PCDHGB5: variants seen among roughly 807,000 people sequenced by gnomAD.
PCDHGB5 encodes the protein protocadherin gamma-B5.
In PCDHGB5, 48 loss-of-function variants were observed where a neutral mutation model predicts 62.9. The ratio of observed to expected loss-of-function variants is 0.76; its 90% CI spans 0.61 to 0.97. The LOEUF is 0.97. PCDHGB5 is among the 50% of genes least tolerant of loss of function. PCDHGB5 has a pLI of 0.00. For synonymous variants in PCDHGB5, 474 were observed against 511.2 expected (o/e 0.93, Z 0.98); for missense variants, 1,118 against 1,198.6 (o/e 0.93, Z 0.99).
chr5:141,402,965 A>G, intron 1 of PCDHGB5: 2 of 1,606,016 alleles, frequency 1.2e-6, no homozygotes, highest in Non-Finnish European at 1.7e-6. Flanking sequence ...GGCAGCTCCA[A>G]CCAAATGCCA....
At chr5:141,415,739 GGTTTTTTTT>G in intron 1 of PCDHGB5, 5 of 434,942 alleles carry the variant, frequency 1.1e-5, no homozygotes, top group African/African-American at 9.8e-5. Context: ...TGTTTATTAA[GGTTTTTTTT>G]TTTTTTTTTT....
chr5:141,414,180 A>G, intron 1 of PCDHGB5: 2 of 1,608,986 alleles, frequency 1.2e-6, no homozygotes, highest in Middle Eastern at 1.7e-4. Context: ...TTGCAACTGC[A>G]AAAGTGTTGA....
chr5:141,415,885 C>A (rs778154458), intron 1 of PCDHGB5: 7 of 978,904 alleles, frequency 7.2e-6, no homozygotes, highest in Non-Finnish European at 9.6e-6. Context: ...ACAATATTGA[C>A]AATTCCTAAG....
intron 1 of PCDHGB5, chr5:141,419,135 G>A (rs2096331504): frequency 3.1e-6 from 5 of 1,613,910 alleles, no homozygotes; most frequent in Non-Finnish European, 4.2e-6. Flanking sequence ...CGCAGCCACA[G>A]ACAGGGGCAA....
Position 141,511,350 on chromosome 5 carries a change from C to T in PCDHGB5, c.*177C>T, listed in dbSNP as rs1303365585. Reference sequence around the variant, plus strand: ...CCCAGTCAGCACCTACCCCTTCCCCCCCAGGGGGTTGAATATGCAAAAGCA... The same window carrying T: ...CCCAGTCAGCACCTACCCCTTCCCCTCCAGGGGGTTGAATATGCAAAAGCA... On this transcript the variant is annotated 3_prime_UTR_variant, in exon 4 of 4. Transcript: ENST00000617380. The T allele has an allele frequency of 6.4e-6, 9 of 1,397,076 alleles. No homozygotes were observed. Among genetic ancestry groups the T allele is most frequent in the Non-Finnish European group, 8.6e-6 (9 of 1,050,666 alleles). 86.5% of individuals were successfully genotyped at this position (1,397,076 alleles called of 1,614,324 possible).
At chr5:141,410,425 C>G (rs779212749) in intron 1 of PCDHGB5, 1 of 1,614,030 alleles carries the variant, frequency 6.2e-7, no homozygotes, top group South Asian at 1.1e-5. Flanking sequence ...TAGTTCCCCC[C>G]AACTACAGTG....
At chr5:141,502,377 C>A (rs748121694) in intron 2 of PCDHGB5, among the ~76,000 whole-genome samples, 14 of 151,904 alleles carry the variant, frequency 9.2e-5, no homozygotes, top group Non-Finnish European at 1.3e-4. Flanking sequence ...AGAGTCCAGG[C>A]CAGTTGTACT....
In PCDHGB5 at chr5:141,422,911, G is replaced by C. The variant is rs375046528; in HGVS notation, c.2397+22387G>C. ...GCTGGACCAGAACGACAATGCGCCC[G>C]AGATCCTGTACCCTGCCCTCCCCAC... On this transcript the variant is annotated intron_variant, in intron 1 of 3. Transcript: ENST00000617380. 41 of 1,614,236 alleles carry C rather than the reference G, an allele frequency of 2.5e-5. No individual in the cohort carries two copies. Among genetic ancestry groups the C allele is most frequent in the Non-Finnish European group, 3.2e-5 (38 of 1,180,046 alleles).
rs1348785166 is a variant in PCDHGB5, at chr5:141,431,381, C to T, written c.2397+30857C>T. On this transcript the variant is annotated intron_variant, in intron 1 of 3. Coordinates refer to ENST00000617380, the MANE Select transcript of PCDHGB5 (RefSeq NM_018925.3). The surrounding 1 kb of genome is among the most constrained non-coding windows in gnomAD (Gnocchi z 4.8). Reference sequence around the variant, plus strand: ...CCTGGACCGCGAAGAAAAGGCTGCTCACCACCTGGTCCTTACGGCCTCCGA... The same window carrying T: ...CCTGGACCGCGAAGAAAAGGCTGCTTACCACCTGGTCCTTACGGCCTCCGA... 1.2e-6 allele frequency: 2 copies of T among 1,613,940 alleles called. No homozygotes were observed. Among genetic ancestry groups the T allele is most frequent in the Non-Finnish European group, 1.7e-6 (2 of 1,180,042 alleles).
At position 141,494,758 on chromosome 5, in the gene PCDHGB5, T is replaced by C. The variant is rs370692038; in HGVS notation, c.2398-49T>C. ...CCATCCCTAGGGGCTCGGGTGACAT[T>C]CTAACTTCTCACGGGTACTCAGCCC... On this transcript the variant is annotated intron_variant, in intron 1 of 3. Transcript: ENST00000617380. The C allele has an allele frequency of 1.3e-5, 21 of 1,613,682 alleles. No homozygotes were observed. The African/African-American group carries it at 2.7e-4, about 21-fold the overall frequency.
chr5:141,473,312 A>G (rs1432409474), intron 1 of PCDHGB5, among the ~76,000 whole-genome samples: 1 of 152,228 alleles, frequency 6.6e-6, no homozygotes, highest in Non-Finnish European at 1.5e-5. Context: ...TGCTATATTA[A>G]TAAGCATTAA....
At chr5:141,482,606 T>G (rs2099569173) in intron 1 of PCDHGB5, among the ~76,000 whole-genome samples, 1 of 146,712 alleles carries the variant, frequency 6.8e-6, no homozygotes, top group African/African-American at 2.6e-5. Context: ...AAAAAACACC[T>G]AAATGAGCCT....
chr5:141,459,613 C>A (rs1040874685), intron 1 of PCDHGB5, among the ~76,000 whole-genome samples: 1 of 152,188 alleles, frequency 6.6e-6, no homozygotes, highest in African/African-American at 2.4e-5. Context: ...ATATGCTTAA[C>A]TTTATAAGAA....
intron 2 of PCDHGB5, among the ~76,000 whole-genome samples, chr5:141,497,809 G>A (rs1256990692): frequency 1.3e-5 from 2 of 152,190 alleles, no homozygotes. Context: ...CAAAGTGCTA[G>A]AATTACAGGT....
At chr5:141,409,590 A>G (rs755702950) in intron 1 of PCDHGB5, 1 of 1,613,898 alleles carries the variant, frequency 6.2e-7, no homozygotes, top group Non-Finnish European at 8.5e-7. Context: ...CACGTGGCCG[A>G]GAACAACCCG....
At chr5:141,408,271 T>C (rs948446189) in intron 1 of PCDHGB5, 7 of 1,610,858 alleles carry the variant, frequency 4.3e-6, no homozygotes, top group Non-Finnish European at 5.9e-6. Context: ...TGCTGCTGCC[T>C]TTGTTCTACC....
chr5:141,428,181 A>G, intron 1 of PCDHGB5: 2 of 1,486,230 alleles, frequency 1.3e-6, no homozygotes, highest in Non-Finnish European at 1.8e-6. Flanking sequence ...GACGGAGGAC[A>G]GCCGCCGCTC....
chr5:141,485,980 G>C lies in PCDHGB5; in HGVS notation c.2398-8827G>C, dbSNP rs151239937. 1 of 1,614,020 alleles carries C rather than the reference G, an allele frequency of 6.2e-7. No individual in the cohort carries two copies. The highest frequency in any genetic ancestry group is 1.3e-5 in the African/African-American group (1 of 74,914). The stretch of plus-strand genomic sequence containing the variant: ...TCATCCAGCTCAATGCCTCAGACCC[G>C]GACCTGGGTCCCAGTGGTAACGTCA... On this transcript the variant is annotated intron_variant, in intron 1 of 3. Transcript: ENST00000617380. The surrounding 1 kb of genome is among the most constrained non-coding windows in gnomAD (Gnocchi z 5.7).
chr5:141,418,411 C>T, intron 1 of PCDHGB5: 1 of 1,613,986 alleles, frequency 6.2e-7, no homozygotes, highest in East Asian at 2.2e-5. Flanking sequence ...TGGAGAAAGA[C>T]AATCCTGATG....
Sources: allele counts gnomAD v4.1 joint callset (sites outside exome capture counted in the v4.1 genomes callset), GRCh38; gene constraint gnomAD v4.1.1; non-coding constraint Gnocchi (gnomAD v3.1); transcripts MANE v1.5; gene names NCBI Gene and HGNC (gene_info 2026-07-23, HGNC 2026-07-21).